The following KIAA0825 variants were observed in gnomAD, a reference collection of about 807,000 sequenced individuals.
KIAA0825 encodes KIAA0825.
Under a neutral mutation model 147.6 loss-of-function variants are expected in KIAA0825, and 119 were observed. The observed-to-expected ratio is 0.81, with a 90% CI of 0.69 to 0.94. The LOEUF (loss-of-function observed/expected upper bound fraction) is 0.94, where lower values mean the gene tolerates loss of function less well. KIAA0825 is among the 40% of genes least tolerant of loss of function. KIAA0825 has a pLI of 0.00. For missense variants in KIAA0825, 1,381 were observed against 1,472.7 expected (o/e 0.94, Z 1.02); for synonymous variants, 470 against 518.1 (o/e 0.91, Z 1.26).
At chr5:94,220,075 A>C (rs1351453485) in intron 20 of KIAA0825, among the ~76,000 whole-genome samples, 1 of 152,196 alleles carries the variant, frequency 6.6e-6, no homozygotes, top group Non-Finnish European at 1.5e-5. Flanking sequence ...GCTGTGCAAA[A>C]AATTCTTTCT....
chr5:94,555,925 T>C (rs1776451041), intron 2 of KIAA0825, among the ~76,000 whole-genome samples: 1 of 152,210 alleles, frequency 6.6e-6, no homozygotes, highest in African/African-American at 2.4e-5. Flanking sequence ...TTTTCAAGTA[T>C]AGTAAAAGTT....
intron 20 of KIAA0825, among the ~76,000 whole-genome samples, chr5:94,177,404 A>C (rs903165609): frequency 2.0e-5 from 3 of 152,074 alleles, no homozygotes; most frequent in African/African-American, 7.2e-5. Flanking sequence ...TTTTTTAATA[A>C]CTATAATTTG....
At chr5:94,261,256 T>C (rs901666719) in intron 20 of KIAA0825, among the ~76,000 whole-genome samples, 4 of 152,014 alleles carry the variant, frequency 2.6e-5, no homozygotes, top group South Asian at 2.1e-4. Context: ...TGAGTCAAGA[T>C]TGCACCATTG....
intron 2 of KIAA0825, among the ~76,000 whole-genome samples, chr5:94,542,136 C>CA (rs1305728077): frequency 3.3e-5 from 5 of 152,242 alleles, no homozygotes; most frequent in Non-Finnish European, 5.9e-5. Context: ...AGCAGATGTT[C>CA]TTGAATGCAG....
intron 20 of KIAA0825, among the ~76,000 whole-genome samples, chr5:94,205,268 C>CATATATATAT (rs5869623): frequency 0.033 from 2,991 of 89,956 alleles, 72 homozygotes; most frequent in Non-Finnish European, 0.039. Flanking sequence ...ACTATTTAAT[C>CATATATATAT]ATATATATAT....
intron 2 of KIAA0825, among the ~76,000 whole-genome samples, chr5:94,562,577 C>G (rs532066843): frequency 6.6e-6 from 1 of 152,320 alleles, no homozygotes; most frequent in East Asian, 1.9e-4. Context: ...AAGGAGCAGA[C>G]AGAATCTCAA....
intron 20 of KIAA0825, among the ~76,000 whole-genome samples, chr5:94,375,480 G>A (rs967478816): frequency 4.6e-5 from 7 of 152,080 alleles, no homozygotes; most frequent in African/African-American, 1.7e-4. Flanking sequence ...TGCTGAAGTA[G>A]CTCTCTGTTT....
chr5:94,453,880 C>G (rs1248797938), intron 12 of KIAA0825, among the ~76,000 whole-genome samples: 2 of 151,704 alleles, frequency 1.3e-5, no homozygotes, highest in Non-Finnish European at 2.9e-5. Flanking sequence ...ATGATGGTAC[C>G]TCTTTTTAAT....
chr5:94,607,708 C>T (rs1481406854), intron 1 of KIAA0825, among the ~76,000 whole-genome samples: 3 of 152,164 alleles, frequency 2.0e-5, no homozygotes, highest in Non-Finnish European at 4.4e-5. Flanking sequence ...CATAAAAACA[C>T]AAAATTATTA....
intron 20 of KIAA0825, among the ~76,000 whole-genome samples, chr5:94,274,068 A>G (rs1245408462): frequency 2.0e-5 from 3 of 152,196 alleles, no homozygotes; most frequent in South Asian, 2.1e-4. Flanking sequence ...TAGAAGCAAT[A>G]TAGCTCAACT....
In KIAA0825 at chr5:94,522,520, T is replaced by C. The variant is rs1192634237; in HGVS notation, c.300+1410A>G. On this transcript the variant is annotated intron_variant, in intron 4 of 20. Transcript: ENST00000682413. ...CATATGTTTAGTATGATTGCTTAAA[T>C]TTTGAAAATAACTTCAGTACATCTG... 3.3e-5 allele frequency among the ~76,000 whole-genome samples: 5 copies of C among 151,670 alleles called. No individual in the cohort carries two copies. The East Asian group carries it at 7.7e-4, about 23-fold the overall frequency.
intron 20 of KIAA0825, among the ~76,000 whole-genome samples, chr5:94,335,019 G>A (rs1781664548): frequency 6.6e-6 from 1 of 152,032 alleles, no homozygotes; most frequent in South Asian, 2.1e-4. Context: ...ATAAAACCAG[G>A]ATTTGTTCTG....
At chr5:94,476,747 A>C (rs1761940095) in intron 7 of KIAA0825, among the ~76,000 whole-genome samples, 1 of 152,186 alleles carries the variant, frequency 6.6e-6, no homozygotes, top group Admixed American at 6.5e-5. Flanking sequence ...CAGGATGGGG[A>C]TCAAAAATAT....
At chr5:94,538,808 G>A (rs1364557804) in intron 2 of KIAA0825, among the ~76,000 whole-genome samples, 1 of 152,238 alleles carries the variant, frequency 6.6e-6, no homozygotes, top group Non-Finnish European at 1.5e-5. Context: ...ATGAGTGAAT[G>A]CTGTGTATCT....
At chr5:94,438,336 T>A (rs1159972468) in intron 14 of KIAA0825, among the ~76,000 whole-genome samples, 1 of 152,228 alleles carries the variant, frequency 6.6e-6, no homozygotes, top group Non-Finnish European at 1.5e-5. Context: ...ATAAAATGCT[T>A]AGCATAGTGC....
chr5:94,313,162 TATATCTTTAA>T (rs987918821), intron 20 of KIAA0825, among the ~76,000 whole-genome samples: 1 of 151,680 alleles, frequency 6.6e-6, no homozygotes, highest in Non-Finnish European at 1.5e-5. Context: ...GAATGTTCAT[TATATCTTTAA>T]ATACTGGTAA....
Position 94,153,980 on chromosome 5 carries a change from A to G in KIAA0825, c.*27T>C, listed in dbSNP as rs992716967. ...TCCATTACATGGGATTGTTTCCTAA[A>G]ATAAAGCTGTTGCTGTTTTCTGCAG... On this transcript the variant is annotated 3_prime_UTR_variant, in exon 21 of 21. Coordinates refer to ENST00000682413, the MANE Select transcript of KIAA0825 (RefSeq NM_001145678.3). 1.5e-5 allele frequency: 22 copies of G among 1,464,884 alleles called. No individual in the cohort carries two copies. The African/African-American group carries it at 3.0e-4, about 20-fold the overall frequency. 90.7% of individuals were successfully genotyped at this position (1,464,884 alleles called of 1,614,324 possible).
chr5:94,482,081 G>A (rs1409801779), intron 6 of KIAA0825, among the ~76,000 whole-genome samples: 1 of 151,898 alleles, frequency 6.6e-6, no homozygotes, highest in African/African-American at 2.4e-5. Flanking sequence ...TTTTTGAAGT[G>A]ACAAAAATAG....
intron 20 of KIAA0825, among the ~76,000 whole-genome samples, chr5:94,241,883 G>A: frequency 6.6e-6 from 1 of 152,080 alleles, no homozygotes; most frequent in East Asian, 1.9e-4. Context: ...CATTTGCTTT[G>A]TATATAATCC....
Sources: gnomAD v4.1 joint callset for allele counts (sites outside exome capture counted in the v4.1 genomes callset) on GRCh38, gnomAD v4.1.1 for gene constraint, MANE v1.5 for transcripts, NCBI Gene and HGNC (gene_info 2026-07-23, HGNC 2026-07-21) for gene names.